The following PPM1L variants were observed in gnomAD, a reference collection of about 807,000 sequenced individuals.
PPM1L encodes protein phosphatase, Mg2+/Mn2+ dependent 1L.
PPM1L carries 13 observed loss-of-function variants against 31.4 expected under a neutral mutation model. The observed-to-expected ratio is 0.41, with a 90% CI of 0.27 to 0.66. The LOEUF is 0.66. Ranked by LOEUF, PPM1L falls within the 30% of genes least tolerant of loss-of-function variation. The probability of loss-of-function intolerance (pLI) is 0.29; values close to 1 mark genes in which losing one functional copy is unlikely to be tolerated. For missense variants in PPM1L, 326 were observed against 453.7 expected (o/e 0.72, Z 2.56); for synonymous variants, 184 against 175.4 (o/e 1.05, Z -0.39).
chr3:160,855,075 C>G lies in PPM1L; in HGVS notation c.399+98368C>G, dbSNP rs1030783570. Among the ~76,000 whole-genome samples, 3 of 152,056 alleles carry G rather than the reference C, an allele frequency of 2.0e-5. No homozygotes were observed. In the East Asian group the frequency reaches 5.8e-4, roughly 29 times the overall value. ...AGAACCCAGAAAAAAAAGCTGCATA[C>G]CTACAACCATATGATCTTCGACAAA... On this transcript the variant is annotated intron_variant, in intron 1 of 3. Transcript: ENST00000498165.
chr3:161,022,637 AACTT>A (rs1319650564), intron 2 of PPM1L, among the ~76,000 whole-genome samples: 1 of 149,112 alleles, frequency 6.7e-6, no homozygotes, highest in African/African-American at 2.5e-5. Context: ...TTATCTGAAT[AACTT>A]ACTTAATTTC....
chr3:160,908,367 T>TA (rs35237718), intron 1 of PPM1L, among the ~76,000 whole-genome samples: 63,857 of 152,072 alleles, frequency 0.42, 14,973 homozygotes, highest in Non-Finnish European at 0.54. Flanking sequence ...TTTGGAACTA[T>TA]AAAAATAAAT....
intron 1 of PPM1L, among the ~76,000 whole-genome samples, chr3:160,780,913 T>C (rs1034784455): frequency 1.6e-4 from 25 of 152,220 alleles, no homozygotes; most frequent in African/African-American, 5.8e-4. Context: ...TTTAGTATAG[T>C]GCCTGGCATT....
chr3:161,022,332 GTCA>G (rs1230687787), intron 2 of PPM1L: 11 of 401,114 alleles, frequency 2.7e-5, no homozygotes, highest in Non-Finnish European at 4.8e-5. Flanking sequence ...ACATTATAAT[GTCA>G]TCAATAATTT....
At chr3:160,992,398 C>T (rs529721084) in intron 2 of PPM1L, among the ~76,000 whole-genome samples, 1 of 151,334 alleles carries the variant, frequency 6.6e-6, no homozygotes, top group Non-Finnish European at 1.5e-5. Flanking sequence ...GTGTAGCTTC[C>T]ACTCATATCA....
At chr3:160,834,019 A>ATTTTT (rs78707253) in intron 1 of PPM1L, among the ~76,000 whole-genome samples, 1 of 128,756 alleles carries the variant, frequency 7.8e-6, no homozygotes, top group Admixed American at 7.9e-5. Context: ...TCTCCCAGGA[A>ATTTTT]TTTTTTTTTT....
intron 1 of PPM1L, among the ~76,000 whole-genome samples, chr3:160,884,745 C>T (rs1270283985): frequency 6.6e-6 from 1 of 152,106 alleles, no homozygotes; most frequent in Non-Finnish European, 1.5e-5. Flanking sequence ...AAATTATCTT[C>T]CCTGAACAAT....
At chr3:160,804,050 T>C (rs1202584139) in intron 1 of PPM1L, among the ~76,000 whole-genome samples, 1 of 152,046 alleles carries the variant, frequency 6.6e-6, no homozygotes, top group East Asian at 1.9e-4. Flanking sequence ...CCTGAGTATC[T>C]GGGACTACAG....
intron 1 of PPM1L, among the ~76,000 whole-genome samples, chr3:160,809,750 A>G (rs1042288231): frequency 7.9e-5 from 12 of 152,042 alleles, no homozygotes; most frequent in East Asian, 3.9e-4. Context: ...CTGCTTACCA[A>G]TGCCACCTGC....
intron 1 of PPM1L, among the ~76,000 whole-genome samples, chr3:160,924,161 C>G (rs1198813264): frequency 6.6e-6 from 1 of 152,164 alleles, no homozygotes; most frequent in East Asian, 1.9e-4. Flanking sequence ...CATTGAGCCA[C>G]AATTTCTGTC....
chr3:160,810,413 C>T (rs1712771802), intron 1 of PPM1L, among the ~76,000 whole-genome samples: 1 of 152,122 alleles, frequency 6.6e-6, no homozygotes, highest in African/African-American at 2.4e-5. Flanking sequence ...AATAAGTTAC[C>T]ATCCTTTGGA....
At chr3:160,972,946 G>GC (rs200720781) in intron 2 of PPM1L, among the ~76,000 whole-genome samples, 2,820 of 152,160 alleles carry the variant, frequency 0.019, 80 homozygotes, top group African/African-American at 0.063. Flanking sequence ...TTCTCTGATG[G>GC]CCAGTGATGA....
chr3:160,842,671 A>G (rs1332280908), intron 1 of PPM1L, among the ~76,000 whole-genome samples: 2 of 152,138 alleles, frequency 1.3e-5, no homozygotes, highest in Non-Finnish European at 2.9e-5. Flanking sequence ...CTTGTATTAA[A>G]TCTCTTTTTC....
intron 2 of PPM1L, among the ~76,000 whole-genome samples, chr3:161,026,798 A>G (rs1343212757): frequency 6.6e-6 from 1 of 151,608 alleles, no homozygotes; most frequent in Non-Finnish European, 1.5e-5. Flanking sequence ...GGCCAGACTC[A>G]AGGAACAAGG....
rs115252178 is a variant in PPM1L, at chr3:160,910,222, C to T, written c.400-51514C>T. On this transcript the variant is annotated intron_variant, in intron 1 of 3. Coordinates refer to ENST00000498165, the MANE Select transcript of PPM1L (RefSeq NM_139245.4). ...CCTTCCCTGTCCCTTTCCCCTTCCC[C>T]TTTCCTTTCCCCTTCCCCTTTCCTT... Among the ~76,000 whole-genome samples, 973 of 116,020 alleles carry T rather than the reference C, an allele frequency of 8.4e-3. 22 individuals carry two copies. Among genetic ancestry groups the T allele is most frequent in the East Asian group, 0.039 (147 of 3,802 alleles). The allele number at this position is 116,020 out of a possible 152,430, so 76.1% of individuals were successfully genotyped here. A position where few individuals can be genotyped will look rare whatever the true frequency, so the allele number is the denominator to read the frequency against.
chr3:160,914,697 C>T lies in PPM1L; in HGVS notation c.400-47039C>T, dbSNP rs77782757. On this transcript the variant is annotated intron_variant, in intron 1 of 3. Coordinates refer to ENST00000498165, the MANE Select transcript of PPM1L (RefSeq NM_139245.4). ...CTTGATCCAGTCTATCATTGTTGGACATTTGGCTTGGTTCCAAGTCTTTGC... is the reference window on the plus strand; with the variant it reads ...CTTGATCCAGTCTATCATTGTTGGATATTTGGCTTGGTTCCAAGTCTTTGC... Among the ~76,000 whole-genome samples, 21 of 152,220 alleles carry T rather than the reference C, an allele frequency of 1.4e-4. No individual in the cohort carries two copies. In the East Asian group the frequency reaches 4.1e-3, roughly 29 times the overall value.
chr3:160,979,980 C>T (rs1461438252), intron 2 of PPM1L, among the ~76,000 whole-genome samples: 1 of 152,050 alleles, frequency 6.6e-6, no homozygotes, highest in African/African-American at 2.4e-5. Flanking sequence ...CAAGGCATGC[C>T]TGGACACCAG....
At chr3:160,868,829 G>A (rs1218555588) in intron 1 of PPM1L, among the ~76,000 whole-genome samples, 1 of 152,074 alleles carries the variant, frequency 6.6e-6, no homozygotes, top group African/African-American at 2.4e-5. Context: ...TTTTCCAAAG[G>A]AGAAAATCAC....
chr3:160,876,845 T>C (rs1712531048), intron 1 of PPM1L, among the ~76,000 whole-genome samples: 1 of 152,220 alleles, frequency 6.6e-6, no homozygotes, highest in Admixed American at 6.5e-5. Flanking sequence ...CATGTTGTTT[T>C]AGAGTCTTGC....
Sources: gnomAD v4.1 joint callset for allele counts (sites outside exome capture counted in the v4.1 genomes callset) on GRCh38, gnomAD v4.1.1 for gene constraint, MANE v1.5 for transcripts, NCBI Gene and HGNC (gene_info 2026-07-23, HGNC 2026-07-21) for gene names.